The following SH3PXD2A variants were observed in gnomAD, a reference collection of about 807,000 sequenced individuals.
SH3PXD2A encodes the protein SH3 and PX domain-containing protein 2A.
In SH3PXD2A, 32 loss-of-function variants were observed where a neutral mutation model predicts 115.2. The observed-to-expected ratio is 0.28, with a 90% CI of 0.21 to 0.37. SH3PXD2A has a LOEUF of 0.37. Ranked by LOEUF, SH3PXD2A falls within the 10% of genes least tolerant of loss-of-function variation. The pLI is 1.00. For synonymous variants in SH3PXD2A, 610 were observed against 629.1 expected (o/e 0.97, Z 0.45); for missense variants, 1,328 against 1,498.7 (o/e 0.89, Z 1.88).
rs147326201 is a variant in SH3PXD2A at position 103,738,816 on chromosome 10, C to T, written c.230-3008G>A. Among the ~76,000 whole-genome samples the T allele has an allele frequency of 1.7e-3, 256 of 150,808 alleles. 1 individual carries two copies. Among genetic ancestry groups the T allele is most frequent in the African/African-American group, 5.8e-3 (239 of 41,068 alleles). On this transcript the variant is annotated intron_variant, in intron 3 of 14. Transcript: ENST00000369774. ...CTCTCTTTTTTTTTTTTTCCCGAGA[C>T]GGAGTTTCACTTTTGTTGTCCAGGC...
chr10:103,834,464 T>C (rs1464407831), intron 1 of SH3PXD2A, among the ~76,000 whole-genome samples: 1 of 152,164 alleles, frequency 6.6e-6, no homozygotes, highest in Non-Finnish European at 1.5e-5. Flanking sequence ...CAGGGTTTCT[T>C]TGGTGGACAT....
In SH3PXD2A at chr10:103,784,743, A is replaced by G. The variant is rs12416118; in HGVS notation, c.153+16539T>C. Among the ~76,000 whole-genome samples, 90 of 147,414 alleles carry G rather than the reference A, an allele frequency of 6.1e-4. No individual in the cohort carries two copies. Among genetic ancestry groups the G allele is most frequent in the Non-Finnish European group, 8.7e-4 (58 of 66,976 alleles). ...GAGGAAGAAGAGGAAAAGAAAGGGG[A>G]GGAGGAGGAGAAGTAAGAAGGAGGA... On this transcript the variant is annotated intron_variant, in intron 2 of 14. Transcript: ENST00000369774. The surrounding 1 kb of genome is among the most constrained non-coding windows in gnomAD (Gnocchi z 4.4).
chr10:103,721,365 A>G (rs1009828718), intron 5 of SH3PXD2A, among the ~76,000 whole-genome samples: 1 of 152,240 alleles, frequency 6.6e-6, no homozygotes, highest in African/African-American at 2.4e-5. Context: ...GCCTGGCCCC[A>G]CAAAGCCATG....
intron 6 of SH3PXD2A, chr10:103,678,142 C>G: frequency 1.6e-6 from 2 of 1,289,130 alleles, no homozygotes; most frequent in Non-Finnish European, 2.0e-6. Flanking sequence ...GGAGCAGGAA[C>G]GACCCGTTCA....
At position 103,596,559 on chromosome 10, in the gene SH3PXD2A, C is replaced by G. The variant is rs2036134562; in HGVS notation, c.*5257G>C. 6.6e-6 allele frequency: 1 copy of G among 152,248 alleles called. No homozygotes were observed. Among genetic ancestry groups the G allele is most frequent in the African/African-American group, 2.4e-5 (1 of 41,308 alleles). The allele number at this position is 152,248 out of a possible 1,614,324, so 9.4% of individuals were successfully genotyped here. A position where few individuals can be genotyped will look rare whatever the true frequency, so the allele number is the denominator to read the frequency against. On this transcript the variant is annotated 3_prime_UTR_variant, in exon 15 of 15. Transcript: ENST00000369774. ...CCAAGGACTTGTTCAATGGAGACAG[C>G]TTGCCTGGTATTTTTTTTTCTCTAA...
At chr10:103,730,265 C>T (rs1302501646) in intron 4 of SH3PXD2A, among the ~76,000 whole-genome samples, 2 of 139,620 alleles carry the variant, frequency 1.4e-5, no homozygotes, top group East Asian at 2.1e-4. Flanking sequence ...CCTTCCTGCA[C>T]ACTGATTTTT....
intron 3 of SH3PXD2A, among the ~76,000 whole-genome samples, chr10:103,752,821 G>A (rs921023975): frequency 4.6e-5 from 7 of 152,120 alleles, no homozygotes; most frequent in Admixed American, 3.9e-4. Flanking sequence ...ATAGGTTTGG[G>A]TTTCCAAAGC....
At position 103,845,318 on chromosome 10, in the gene SH3PXD2A, G is replaced by A. The variant is rs867961251; in HGVS notation, c.72+9877C>T. Among the ~76,000 whole-genome samples, 93 of 122,564 alleles carry A rather than the reference G, an allele frequency of 7.6e-4. No individual in the cohort carries two copies. The Middle Eastern group carries it at 0.023, about 30-fold the overall frequency. 80.4% of individuals were successfully genotyped at this position (122,564 alleles called of 152,430 possible). ...TGCACTCCAGCCTGGACGACAGAGC[G>A]AGACTTCATCTCAAAAAAAAAAAAA... On this transcript the variant is annotated intron_variant, in intron 1 of 14. Transcript: ENST00000369774.
intron 1 of SH3PXD2A, among the ~76,000 whole-genome samples, chr10:103,803,713 T>A (rs1211069728): frequency 6.6e-6 from 1 of 152,226 alleles, no homozygotes; most frequent in East Asian, 1.9e-4. Flanking sequence ...CAGGACTGAA[T>A]GACATTGTCT....
chr10:103,804,149 A>T (rs1448616282), intron 1 of SH3PXD2A, among the ~76,000 whole-genome samples: 1 of 152,038 alleles, frequency 6.6e-6, no homozygotes, highest in African/African-American at 2.4e-5. Context: ...TTAGGTCTGC[A>T]TTGATATTGA....
chr10:103,684,483 C>G (rs1392223303), intron 6 of SH3PXD2A, among the ~76,000 whole-genome samples: 1 of 151,990 alleles, frequency 6.6e-6, no homozygotes, highest in Non-Finnish European at 1.5e-5. Context: ...CTCAGCCTCC[C>G]GAGTAGCTGG....
At position 103,736,793 on chromosome 10, in the gene SH3PXD2A, C is replaced by T. The variant is rs192061328; in HGVS notation, c.230-985G>A. On this transcript the variant is annotated intron_variant, in intron 3 of 14. Coordinates refer to ENST00000369774, the MANE Select transcript of SH3PXD2A (RefSeq NM_001394015.1). ...ATGAAGTGCTCACCTGTAGCTGTAA[C>T]GGGCATCTGTTGCCTCAGTCTACCT... The T allele has an allele frequency of 1.4e-4, 185 of 1,289,162 alleles. No homozygotes were observed. In the African/African-American group the frequency reaches 1.8e-3, roughly 13 times the overall value. 79.9% of individuals were successfully genotyped at this position (1,289,162 alleles called of 1,614,324 possible).
intron 2 of SH3PXD2A, among the ~76,000 whole-genome samples, chr10:103,782,827 C>CAAAA (rs1177829829): frequency 1.8e-4 from 8 of 45,368 alleles, no homozygotes; most frequent in African/African-American, 5.5e-4. Flanking sequence ...TCCATCTCTC[C>CAAAA]AAAAAAAAAA....
intron 8 of SH3PXD2A, among the ~76,000 whole-genome samples, chr10:103,660,535 A>G (rs1378212488): frequency 6.6e-6 from 1 of 152,052 alleles, no homozygotes. Flanking sequence ...CAAACTTGCC[A>G]GCGACCCGGG....
rs141340030 is a variant in SH3PXD2A, at chr10:103,705,926, G to A, written c.399-12870C>T. Among the ~76,000 whole-genome samples, 1,139 of 152,074 alleles carry A rather than the reference G, an allele frequency of 7.5e-3. 7 individuals carry two copies. The highest frequency in any genetic ancestry group is 0.016 in the South Asian group (75 of 4,810). On this transcript the variant is annotated intron_variant, in intron 5 of 14. Transcript: ENST00000369774. ...GCAGGAGAATCGCTTGAACCTGGGA[G>A]GTGGAGGTTGCAGTGAGAGCCAAGA...
chr10:103,762,698 GAC>G (rs2038713647), intron 3 of SH3PXD2A, among the ~76,000 whole-genome samples: 1 of 152,198 alleles, frequency 6.6e-6, no homozygotes, highest in Admixed American at 6.5e-5. Context: ...GGTGGTCCCA[GAC>G]ACAGTGGATT....
chr10:103,720,426 G>A (rs1189896097), intron 5 of SH3PXD2A, among the ~76,000 whole-genome samples: 1 of 152,224 alleles, frequency 6.6e-6, no homozygotes, highest in Non-Finnish European at 1.5e-5. Context: ...TGGGATCAAA[G>A]CCGAGGCGCT....
chr10:103,703,885 G>C (rs1380309643), intron 5 of SH3PXD2A, among the ~76,000 whole-genome samples: 3 of 152,158 alleles, frequency 2.0e-5, no homozygotes, highest in South Asian at 2.1e-4. Flanking sequence ...GTGTCTCTCT[G>C]TGTGTGTGTA....
chr10:103,657,748 G>A (rs1423030134), intron 8 of SH3PXD2A, among the ~76,000 whole-genome samples: 2 of 152,174 alleles, frequency 1.3e-5, no homozygotes, highest in Non-Finnish European at 2.9e-5. Context: ...GCTGTTTCTT[G>A]TCCCTAAGTT....
Sources: allele counts gnomAD v4.1 joint callset (sites outside exome capture counted in the v4.1 genomes callset), GRCh38; gene constraint gnomAD v4.1.1; non-coding constraint Gnocchi (gnomAD v3.1); transcripts MANE v1.5; gene names NCBI Gene and HGNC (gene_info 2026-07-23, HGNC 2026-07-21).